The following AFDN variants were observed in gnomAD, a reference collection of about 807,000 sequenced individuals.
AFDN encodes afadin.
Under a neutral mutation model 216.6 loss-of-function variants are expected in AFDN, and 68 were observed. The observed-to-expected ratio is 0.31, with a 90% CI of 0.26 to 0.38. AFDN has a LOEUF of 0.38. Among genes scored for constraint, AFDN ranks in the 10% least tolerant of loss-of-function variants. AFDN has a pLI of 1.00. For missense variants in AFDN, 2,136 were observed against 2,342.0 expected, an observed-to-expected ratio of 0.91 and a Z score of 1.82; for synonymous variants, 868 against 853.7, an observed-to-expected ratio of 1.02 and a Z score of -0.29.
intron 10 of AFDN, 76 bp from the exon 11 acceptor site, chr6:167,898,129 T>C: frequency 6.6e-7 from 1 of 1,514,520 alleles, no homozygotes; most frequent in Non-Finnish European, 9.0e-7. Context: ...AAAGGGGTAC[T>C]CACGGTTTTA....
intron 1 of AFDN, among the ~76,000 whole-genome samples, chr6:167,847,283 A>G (rs1781805179): frequency 6.6e-6 from 1 of 152,136 alleles, no homozygotes. Flanking sequence ...CCTAGGTGAA[A>G]TATTTCATTT....
At chr6:167,826,750 C>G (rs1779087729), upstream of AFDN, 5 of 368,690 alleles carry the variant, frequency 1.4e-5, no homozygotes, top group South Asian at 1.0e-4. Context: ...GGCCCGCCCT[C>G]CGACACCTCC....
In AFDN at chr6:167,917,150, C is replaced by A; in HGVS notation, c.2627C>A (p.Thr876Asn). ...APDDIPNINS[T>N]CFKLNSLQLQ... Reference sequence around the variant, plus strand: ...GATGACATTCCAAATATAAACAGCACCTGCTTTAAGTTAAATTCATTACAA... The same window carrying A: ...GATGACATTCCAAATATAAACAGCAACTGCTTTAAGTTAAATTCATTACAA... The change falls in exon 20 of 34, where the codon ACC becomes AAC. Residue 876 changes from threonine to asparagine, a missense_variant. This residue lies in a region of AFDN where 162 missense variants were observed against 182.6 expected (regional missense o/e 0.89). Coordinates refer to ENST00000683244, the MANE Select transcript of AFDN (RefSeq NM_001386888.1). 1.2e-6 allele frequency: 2 copies of A among 1,612,840 alleles called. No homozygotes were observed. Among genetic ancestry groups the A allele is most frequent in the South Asian group, 2.2e-5 (2 of 90,662 alleles).
At chr6:167,850,252 C>A (rs1782149861) in intron 1 of AFDN, among the ~76,000 whole-genome samples, 1 of 152,090 alleles carries the variant, frequency 6.6e-6, no homozygotes, top group Admixed American at 6.6e-5. Flanking sequence ...CTGTCCCAAC[C>A]CCCCTCTCGC....
chr6:167,915,122 C>G (rs202056893), intron 18 of AFDN, 46 bp from the exon 19 acceptor site: 221 of 1,599,044 alleles, frequency 1.4e-4, no homozygotes, highest in Non-Finnish European at 1.6e-4. Context: ...AGGCTTCTTC[C>G]TGGATGACAT....
intron 2 of AFDN, among the ~76,000 whole-genome samples, chr6:167,865,856 A>C (rs1042535718): frequency 1.3e-5 from 2 of 151,712 alleles, no homozygotes; most frequent in African/African-American, 4.8e-5. Flanking sequence ...AATAGACTAA[A>C]GTGTTTGTAA....
intron 11 of AFDN, 142 bp downstream of exon 11, chr6:167,898,609 G>T (rs1788568822): frequency 2.1e-6 from 2 of 961,134 alleles, no homozygotes; most frequent in African/African-American, 1.7e-5. Flanking sequence ...GGTTCCTATT[G>T]TTAACTTGGG....
At position 167,880,480 on chromosome 6, in the gene AFDN, T is replaced by G. The variant is rs1785972913; in HGVS notation, c.860T>G (p.Leu287Arg). The change falls in exon 6 of 34, where the codon CTG (leucine) becomes CGG (arginine). Residue 287 changes from leucine (L) to arginine (R), a missense_variant. Physicochemically the swap from Leu to Arg is moderately radical, Grantham distance 102. Around this residue, in one of 8 missense-constraint regions of AFDN, gnomAD observed 817 missense variants for 965.7 expected, o/e 0.85. Coordinates refer to ENST00000683244, the MANE Select transcript of AFDN (RefSeq NM_001386888.1). ...AVAEALEKYGLEKENPKDYCI... is the reference protein window; with the variant it reads ...AVAEALEKYGREKENPKDYCI... ...GCTGAAGCTTTAGAGAAGTATGGTC[T>G]GGAAAAAGAAAACCCTAAGGATTAC... 6.2e-7 allele frequency: 1 copy of G among 1,613,744 alleles called. No homozygotes were observed. The highest frequency in any genetic ancestry group is 1.1e-5 in the South Asian group (1 of 91,072).
Position 167,951,881 on chromosome 6 carries a change from AGAG to A in AFDN, c.4531_4533del (p.Glu1511del), listed in dbSNP as rs768172375. 7 of 1,614,038 alleles carry A rather than the reference AGAG, an allele frequency of 4.3e-6. No homozygotes were observed. Among genetic ancestry groups the A allele is most frequent in the Non-Finnish European group, 5.9e-6 (7 of 1,179,998 alleles). On this transcript the variant is annotated inframe_deletion, in exon 30 of 34. Coordinates refer to ENST00000683244, the MANE Select transcript of AFDN (RefSeq NM_001386888.1). The surrounding 1 kb of genome is among the most constrained non-coding windows in gnomAD (Gnocchi z 7.1). ...ACTTGCAGTACATTACAGTCAGCAA[AGAG>A]GAGCTTTCCTCGGGGGACAGTCTGT...
intron 9 of AFDN, among the ~76,000 whole-genome samples, chr6:167,896,670 T>C (rs930182144): frequency 2.4e-4 from 36 of 152,356 alleles, no homozygotes; most frequent in Middle Eastern, 3.4e-3. Context: ...GCACTTTGTG[T>C]TAATCAGAAA....
At chr6:167,911,650 G>C in intron 15 of AFDN, 161 bp downstream of exon 15, 1 of 650,230 alleles carries the variant, frequency 1.5e-6, no homozygotes, top group Non-Finnish European at 2.7e-6. Context: ...TTAAAGAGTT[G>C]AAAGGAAATG....
rs17165139 is a variant in AFDN at position 167,858,681 on chromosome 6, A to T, written c.106-5870A>T. 8.5e-3 allele frequency among the ~76,000 whole-genome samples: 1,299 copies of T among 152,288 alleles called. 20 individuals are homozygous for T. Among genetic ancestry groups the T allele is most frequent in the African/African-American group, 0.028 (1,176 of 41,558 alleles). On this transcript the variant is annotated intron_variant, in intron 1 of 33. Transcript: ENST00000683244. ...TTAACGAAGTCATTTGATTTTAAAG[A>T]CCACATGTACACATGAAGGTGTAAA...
intron 1 of AFDN, among the ~76,000 whole-genome samples, chr6:167,840,181 T>C (rs1371949535): frequency 6.6e-6 from 1 of 152,224 alleles, no homozygotes; most frequent in Non-Finnish European, 1.5e-5. Context: ...TTCTGAATCC[T>C]GAAAAATTTG....
chr6:167,841,397 A>G (rs1012003562), intron 1 of AFDN, among the ~76,000 whole-genome samples: 1 of 152,160 alleles, frequency 6.6e-6, no homozygotes, highest in African/African-American at 2.4e-5. Context: ...ACAAGAACCT[A>G]GGACAGAAAG....
At chr6:167,865,107 T>TATTAC (rs10688200) in intron 2 of AFDN, among the ~76,000 whole-genome samples, 4 of 151,906 alleles carry the variant, frequency 2.6e-5, no homozygotes, top group African/African-American at 9.7e-5. Context: ...GAGATTATAA[T>TATTAC]AATTGTAACA....
At chr6:167,964,286 C>T (rs2128753369) in intron 31 of AFDN, 1 of 1,063,964 alleles carries the variant, frequency 9.4e-7, no homozygotes, top group Non-Finnish European at 1.1e-6. Context: ...ATAAAGTTGT[C>T]TTGTAATTGT....
chr6:167,918,992 T>C (rs1791453818), intron 21 of AFDN, 59 bp downstream of exon 21: 1 of 1,442,990 alleles, frequency 6.9e-7, no homozygotes. Context: ...GAGCATTTTA[T>C]TCATTGTCCA....
chr6:167,922,370 C>A (rs1479717859), intron 21 of AFDN, among the ~76,000 whole-genome samples: 7 of 152,090 alleles, frequency 4.6e-5, no homozygotes, highest in Non-Finnish European at 1.0e-4. Context: ...GAGGAGGACT[C>A]CTAGAATTGT....
chr6:167,935,403 C>T (rs1336004101), intron 23 of AFDN, among the ~76,000 whole-genome samples: 1 of 152,128 alleles, frequency 6.6e-6, no homozygotes, highest in Non-Finnish European at 1.5e-5. Context: ...AGTGTGGGCG[C>T]TGTACTGCAG....
Sources: allele counts gnomAD v4.1 joint callset (sites outside exome capture counted in the v4.1 genomes callset), GRCh38; gene constraint gnomAD v4.1.1; regional missense constraint gnomAD v4.1.1; non-coding constraint Gnocchi (gnomAD v3.1); transcripts MANE v1.5; gene names NCBI Gene and HGNC (gene_info 2026-07-23, HGNC 2026-07-21).